Variants in RBFOX1 observed in about 807,000 individuals in gnomAD.
RBFOX1 encodes the protein RNA binding fox-1 homolog 1, also known as RNA binding protein fox-1 homolog 1.
Under a neutral mutation model 57.7 loss-of-function variants are expected in RBFOX1, and 8 were observed. That is an observed-to-expected ratio of 0.14 (90% CI 0.08 to 0.25). The LOEUF is 0.25. Among genes scored for constraint, RBFOX1 ranks in the 10% least tolerant of loss-of-function variants. The pLI is 1.00. For synonymous variants in RBFOX1, 326 were observed against 222.4 expected (o/e 1.47, Z -4.15); for missense variants, 611 against 548.5 (o/e 1.11, Z -1.14).
At chr16:5,609,404 T>G (rs895371034) in intron 3 of RBFOX1, among the ~76,000 whole-genome samples, 2 of 152,182 alleles carry the variant, frequency 1.3e-5, no homozygotes, top group Non-Finnish European at 2.9e-5. Flanking sequence ...TGAATGCCTG[T>G]CACCTTCCAC....
chr16:6,985,615 G>A (rs2090063728), intron 3 of RBFOX1, among the ~76,000 whole-genome samples: 2 of 152,122 alleles, frequency 1.3e-5, no homozygotes, highest in South Asian at 2.1e-4. Flanking sequence ...ATCATTTGAG[G>A]TCAGGAGTTA....
At chr16:7,561,694 T>C (rs2090411318) in intron 5 of RBFOX1, among the ~76,000 whole-genome samples, 1 of 152,198 alleles carries the variant, frequency 6.6e-6, no homozygotes, top group Non-Finnish European at 1.5e-5. Context: ...GCATTTATAT[T>C]AATACAAAGA....
intron 4 of RBFOX1, among the ~76,000 whole-genome samples, chr16:7,457,930 A>G (rs893504912): frequency 1.1e-4 from 17 of 152,242 alleles, no homozygotes; most frequent in Middle Eastern, 3.4e-3. Context: ...TCCAACAAGC[A>G]TGATCTTTGT....
chr16:5,757,859 A>C (rs2053455057), intron 3 of RBFOX1, among the ~76,000 whole-genome samples: 1 of 151,942 alleles, frequency 6.6e-6, no homozygotes, highest in Admixed American at 6.5e-5. Context: ...GTGCTAGACT[A>C]CTTCTCTTGG....
At chr16:7,213,498 G>C (rs1466337207) in intron 4 of RBFOX1, among the ~76,000 whole-genome samples, 1 of 151,948 alleles carries the variant, frequency 6.6e-6, no homozygotes, top group Non-Finnish European at 1.5e-5. Context: ...TCATGAATGA[G>C]TATTTAGTAA....
intron 3 of RBFOX1, among the ~76,000 whole-genome samples, chr16:6,842,210 A>G (rs535587776): frequency 6.6e-6 from 1 of 152,188 alleles, no homozygotes; most frequent in African/African-American, 2.4e-5. Flanking sequence ...AGTGTTAGCT[A>G]TTTGAGTAGT....
intron 14 of RBFOX1, among the ~76,000 whole-genome samples, chr16:7,704,065 A>T (rs542556053): frequency 6.6e-6 from 1 of 152,190 alleles, no homozygotes; most frequent in African/African-American, 2.4e-5. Flanking sequence ...TCAGTCAGAA[A>T]ACTACTGCTT....
At chr16:6,070,313 G>A (rs752143522) in intron 1 of RBFOX1, among the ~76,000 whole-genome samples, 3 of 152,144 alleles carry the variant, frequency 2.0e-5, no homozygotes, top group Non-Finnish European at 4.4e-5. Context: ...TTAATAATTA[G>A]GGTTGTTATT....
chr16:5,740,580 T>C (rs537465260), intron 3 of RBFOX1, among the ~76,000 whole-genome samples: 25 of 152,336 alleles, frequency 1.6e-4, no homozygotes, highest in African/African-American at 6.0e-4. Flanking sequence ...TGTCAAGTCA[T>C]GCAACTGAAA....
intron 4 of RBFOX1, among the ~76,000 whole-genome samples, chr16:7,054,071 G>A (rs1309344930): frequency 6.6e-6 from 1 of 151,374 alleles, no homozygotes; most frequent in African/African-American, 2.4e-5. Context: ...ATTTTCTTCT[G>A]CCCTCTTCAT....
chr16:7,429,362 G>A (rs536097522), intron 4 of RBFOX1, among the ~76,000 whole-genome samples: 1 of 152,200 alleles, frequency 6.6e-6, no homozygotes, highest in Non-Finnish European at 1.5e-5. Flanking sequence ...TCATTCATCA[G>A]CTGTTGATTT....
chr16:6,222,711 A>ATTT, intron 1 of RBFOX1, among the ~76,000 whole-genome samples: 1 of 147,768 alleles, frequency 6.8e-6, no homozygotes, highest in East Asian at 2.0e-4. Flanking sequence ...TATTATTATT[A>ATTT]TTATTATGCT....
chr16:6,937,442 C>T (rs1242182385), intron 3 of RBFOX1, among the ~76,000 whole-genome samples: 1 of 152,000 alleles, frequency 6.6e-6, no homozygotes, highest in Non-Finnish European at 1.5e-5. Context: ...ATTCAGATGT[C>T]AATGAAAAGA....
chr16:7,525,738 A>G (rs560751595), intron 5 of RBFOX1, among the ~76,000 whole-genome samples: 2 of 152,326 alleles, frequency 1.3e-5, no homozygotes, highest in Middle Eastern at 3.4e-3. Flanking sequence ...CCTGTGGTCC[A>G]AAGATCATGC....
intron 2 of RBFOX1, among the ~76,000 whole-genome samples, chr16:6,526,270 C>G (rs1162252774): frequency 6.6e-6 from 1 of 152,156 alleles, no homozygotes; most frequent in Non-Finnish European, 1.5e-5. Context: ...ATTGGGTTTC[C>G]TATCGTGCTG....
intron 5 of RBFOX1, among the ~76,000 whole-genome samples, chr16:7,557,191 C>T (rs556593592): frequency 1.1e-4 from 16 of 152,088 alleles, no homozygotes; most frequent in Non-Finnish European, 1.2e-4. Context: ...CTCATGGGGC[C>T]GGGTCTCGAA....
At chr16:6,809,816 A>T (rs76242796) in intron 3 of RBFOX1, among the ~76,000 whole-genome samples, 6 of 152,146 alleles carry the variant, frequency 3.9e-5, no homozygotes, top group South Asian at 4.1e-4. Flanking sequence ...TCTTATTCCA[A>T]TTCTCTGGAA....
intron 3 of RBFOX1, among the ~76,000 whole-genome samples, chr16:6,730,705 G>A (rs923880758): frequency 3.3e-5 from 5 of 152,146 alleles, no homozygotes; most frequent in Non-Finnish European, 5.9e-5. Flanking sequence ...CTGTCCAAAC[G>A]ATTTTTAAGG....
intron 3 of RBFOX1, among the ~76,000 whole-genome samples, chr16:6,978,857 C>A (rs559229553): frequency 6.6e-6 from 1 of 152,134 alleles, no homozygotes; most frequent in East Asian, 1.9e-4. Flanking sequence ...CGCAGAGCTG[C>A]TTCATTGCAT....
Sources: allele counts gnomAD v4.1 joint callset (sites outside exome capture counted in the v4.1 genomes callset), GRCh38; gene constraint gnomAD v4.1.1; transcripts MANE v1.5; gene names NCBI Gene and HGNC (gene_info 2026-07-23, HGNC 2026-07-21).